Variants in PPM1E observed in about 807,000 individuals in gnomAD.
The protein encoded by PPM1E is protein phosphatase 1E.
A neutral mutation model predicts 65.9 loss-of-function variants in PPM1E; 20 were observed. That is an observed-to-expected ratio of 0.30 (90% CI 0.21 to 0.44). The LOEUF (loss-of-function observed/expected upper bound fraction) is 0.44, where lower values mean the gene tolerates loss of function less well. Ranked by LOEUF, PPM1E falls within the 20% of genes least tolerant of loss-of-function variation. PPM1E has a pLI of 1.00. For missense variants in PPM1E, 713 were observed against 953.1 expected (o/e 0.75, Z 3.32); for synonymous variants, 352 against 374.9 (o/e 0.94, Z 0.70).
In PPM1E at chr17:58,815,552, C is replaced by G. The variant is rs774503736; in HGVS notation, c.464+59091C>G. Among the ~76,000 whole-genome samples, 198 of 152,184 alleles carry G rather than the reference C, an allele frequency of 1.3e-3. 1 individual carries two copies. Among genetic ancestry groups the G allele is most frequent in the Non-Finnish European group, 1.7e-3 (119 of 68,002 alleles). The stretch of plus-strand genomic sequence containing the variant: ...GGGAGGATGTGAACTTTCTTTTGCT[C>G]TTACTTATTATAGCTCTGTTAATGC... On this transcript the variant is annotated intron_variant, in intron 1 of 6. Transcript: ENST00000308249.
chr17:58,853,870 A>C (rs1341212434), intron 1 of PPM1E, among the ~76,000 whole-genome samples: 1 of 152,058 alleles, frequency 6.6e-6, no homozygotes, highest in African/African-American at 2.4e-5. Flanking sequence ...ATCCTCCAGC[A>C]TTGTTTTTCC....
intron 1 of PPM1E, among the ~76,000 whole-genome samples, chr17:58,830,764 C>T (rs979521124): frequency 4.6e-5 from 7 of 152,036 alleles, no homozygotes; most frequent in African/African-American, 1.7e-4. Flanking sequence ...TGGCTCACTG[C>T]AACCTCTGCC....
At chr17:58,801,084 A>G (rs1008856580) in intron 1 of PPM1E, among the ~76,000 whole-genome samples, 1 of 152,152 alleles carries the variant, frequency 6.6e-6, no homozygotes, top group African/African-American at 2.4e-5. Flanking sequence ...TTCACAATAT[A>G]TTCTATCTTG....
chr17:58,911,607 G>C (rs2143505339), intron 1 of PPM1E, among the ~76,000 whole-genome samples: 1 of 152,136 alleles, frequency 6.6e-6, no homozygotes, highest in South Asian at 2.1e-4. Context: ...TTATTTCTTT[G>C]GTTTATTGTT....
At chr17:58,861,135 G>A (rs898039234) in intron 1 of PPM1E, among the ~76,000 whole-genome samples, 50 of 152,128 alleles carry the variant, frequency 3.3e-4, no homozygotes, top group Non-Finnish European at 6.5e-4. Context: ...TCCTTGGAAA[G>A]GCAATACCCA....
chr17:58,895,969 G>C (rs1471313146), intron 1 of PPM1E, among the ~76,000 whole-genome samples: 1 of 146,748 alleles, frequency 6.8e-6, no homozygotes, highest in African/African-American at 2.5e-5. Flanking sequence ...AAAAAAATTA[G>C]CTGGGTGTGG....
At chr17:58,842,260 C>T (rs1486715581) in intron 1 of PPM1E, among the ~76,000 whole-genome samples, 1 of 152,152 alleles carries the variant, frequency 6.6e-6, no homozygotes, top group Admixed American at 6.5e-5. Context: ...TAAGAGACAC[C>T]TAAGGAGACG....
At chr17:58,918,855 G>A (rs894956848) in intron 1 of PPM1E, among the ~76,000 whole-genome samples, 1 of 144,184 alleles carries the variant, frequency 6.9e-6, no homozygotes, top group Non-Finnish European at 1.5e-5. Context: ...GAATAGAAAC[G>A]TTTATTCAGT....
chr17:58,837,131 A>G (rs1343899863), intron 1 of PPM1E, among the ~76,000 whole-genome samples: 1 of 150,336 alleles, frequency 6.7e-6, no homozygotes, highest in Non-Finnish European at 1.5e-5. Flanking sequence ...AGTCTTAGCT[A>G]CTCCAGAGGC....
intron 1 of PPM1E, among the ~76,000 whole-genome samples, chr17:58,825,045 G>A (rs140947327): frequency 2.9e-4 from 44 of 152,022 alleles, no homozygotes; most frequent in Non-Finnish European, 4.1e-4. Context: ...TGGGGCGAGG[G>A]ATAAAAGACT....
At position 58,980,729 on chromosome 17, in the gene PPM1E, C is replaced by T; in HGVS notation, c.1966C>T (p.Gln656Ter). 6.2e-7 allele frequency: 1 copy of T among 1,614,158 alleles called. No homozygotes were observed. The highest frequency in any genetic ancestry group is 8.5e-7 in the Non-Finnish European group (1 of 1,180,024). The stretch of plus-strand genomic sequence containing the variant: ...TGTCTGTTCAGGGTTGGAAAATGAA[C>T]AGTTCAAATCCCCGGGAAACAGAGT... The part of the protein sequence containing the change: ...SPVCSGLENE[Q>*]FKSPGNRVSR... Residue 656 changes from glutamine (Q) to a stop codon, truncating the protein, a stop_gained, in exon 7 of 7, where the codon CAG becomes TAG. Transcript: ENST00000308249. LOFTEE classifies it high-confidence loss of function. This position sits in a 1 kb window ranked among gnomAD's most constrained non-coding sequence, Gnocchi z 4.7.
intron 6 of PPM1E, among the ~76,000 whole-genome samples, chr17:58,973,414 CA>C (rs36102576): frequency 0.44 from 51,826 of 117,636 alleles, 8,932 homozygotes; most frequent in Middle Eastern, 0.6. Flanking sequence ...GAGACTGTCT[CA>C]AAAAAAAAAA....
At chr17:58,945,588 G>T (rs1417703505) in intron 1 of PPM1E, among the ~76,000 whole-genome samples, 1 of 152,098 alleles carries the variant, frequency 6.6e-6, no homozygotes, top group Non-Finnish European at 1.5e-5. Flanking sequence ...CAGGATAACG[G>T]GCTCAGTCCT....
Position 58,865,079 on chromosome 17 carries a change from A to C in PPM1E, c.465-90570A>C, listed in dbSNP as rs140536862. Among the ~76,000 whole-genome samples the C allele has an allele frequency of 3.0e-3, 451 of 152,014 alleles. 2 individuals are homozygous for C. Among genetic ancestry groups the C allele is most frequent in the African/African-American group, 0.011 (436 of 41,500 alleles). On this transcript the variant is annotated intron_variant, in intron 1 of 6. Transcript: ENST00000308249. ...TTGCAGGTCCATCCTATGAGGGAGAAGTTGGTCAGTTAAGATTATGCAATC... is the reference window on the plus strand; with the variant it reads ...TTGCAGGTCCATCCTATGAGGGAGACGTTGGTCAGTTAAGATTATGCAATC...
intron 1 of PPM1E, among the ~76,000 whole-genome samples, chr17:58,882,920 C>T (rs1451700672): frequency 2.7e-5 from 4 of 146,850 alleles, no homozygotes; most frequent in Admixed American, 2.0e-4. Flanking sequence ...CTTTGTCCTT[C>T]TCTTAAGGTT....
At chr17:58,968,396 G>A (rs940740999) in intron 3 of PPM1E, among the ~76,000 whole-genome samples, 1 of 152,132 alleles carries the variant, frequency 6.6e-6, no homozygotes, top group East Asian at 1.9e-4. Flanking sequence ...CTGTACCCTA[G>A]CCTGGGTGTC....
chr17:58,978,179 G>T (rs1262264157), intron 6 of PPM1E, among the ~76,000 whole-genome samples: 1 of 152,216 alleles, frequency 6.6e-6, no homozygotes. Flanking sequence ...AGTAATTGAT[G>T]AGAGTTGTGT....
intron 1 of PPM1E, among the ~76,000 whole-genome samples, chr17:58,769,628 T>C (rs2144166949): frequency 6.6e-6 from 1 of 152,130 alleles, no homozygotes; most frequent in Middle Eastern, 3.4e-3. Context: ...AAAGTATATA[T>C]AAAAATGAAA....
At chr17:58,879,874 T>G (rs990132859) in intron 1 of PPM1E, among the ~76,000 whole-genome samples, 1 of 152,154 alleles carries the variant, frequency 6.6e-6, no homozygotes, top group Non-Finnish European at 1.5e-5. Flanking sequence ...ACCCTTGGGC[T>G]TTGGAGGAGT....
Sources: gnomAD v4.1 joint callset for allele counts (sites outside exome capture counted in the v4.1 genomes callset) on GRCh38, gnomAD v4.1.1 for gene constraint, Gnocchi (gnomAD v3.1) non-coding constraint, MANE v1.5 for transcripts, NCBI Gene and HGNC (gene_info 2026-07-23, HGNC 2026-07-21) for gene names.